SLC2A13: variants seen among roughly 807,000 people sequenced by gnomAD.
SLC2A13 encodes solute carrier family 2 member 13, also known as proton myo-inositol cotransporter.
Under a neutral mutation model 64.4 loss-of-function variants are expected in SLC2A13, and 32 were observed. The ratio of observed to expected loss-of-function variants is 0.50; its 90% confidence interval spans 0.37 to 0.67. The LOEUF (loss-of-function observed/expected upper bound fraction) is 0.67. SLC2A13 is among the 30% of genes least tolerant of loss of function. The probability of loss-of-function intolerance (pLI) is 0.00; values close to 1 mark genes in which losing one functional copy is unlikely to be tolerated. For synonymous variants in SLC2A13, 338 were observed against 327.1 expected (o/e 1.03, Z -0.36); for missense variants, 743 against 829.2 (o/e 0.90, Z 1.28).
At chr12:39,975,675 C>T (rs948840299) in intron 3 of SLC2A13, among the ~76,000 whole-genome samples, 3 of 152,208 alleles carry the variant, frequency 2.0e-5, no homozygotes, top group Non-Finnish European at 4.4e-5. Context: ...AGCCACCTGT[C>T]TGGAGGAAGA....
intron 3 of SLC2A13, among the ~76,000 whole-genome samples, chr12:39,994,388 A>C (rs1947191816): frequency 6.6e-6 from 1 of 150,410 alleles, no homozygotes. Flanking sequence ...ATCTCAAAAA[A>C]AAAAAAAACA....
chr12:40,069,143 G>T (rs548691549), intron 1 of SLC2A13, among the ~76,000 whole-genome samples: 2 of 151,948 alleles, frequency 1.3e-5, no homozygotes, highest in Non-Finnish European at 2.9e-5. Context: ...GAAAGATTAG[G>T]TATTTAGTGT....
At chr12:39,971,017 C>T (rs1013494861) in intron 3 of SLC2A13, among the ~76,000 whole-genome samples, 14 of 152,094 alleles carry the variant, frequency 9.2e-5, no homozygotes, top group African/African-American at 1.4e-4. Flanking sequence ...TAAGCCTTTA[C>T]GGTCACTAAT....
At chr12:40,079,781 C>T (rs1178755097) in intron 1 of SLC2A13, among the ~76,000 whole-genome samples, 1 of 152,192 alleles carries the variant, frequency 6.6e-6, no homozygotes, top group African/African-American at 2.4e-5. Context: ...TCTAAGCACA[C>T]CAGTGTTGGG....
At chr12:39,799,533 T>C (rs1458904469) in intron 7 of SLC2A13, among the ~76,000 whole-genome samples, 7 of 149,922 alleles carry the variant, frequency 4.7e-5, no homozygotes, top group African/African-American at 1.5e-4. Context: ...ACTGGCAGAG[T>C]AGAGTAAATC....
At chr12:40,047,067 A>G (rs1948182477) in intron 2 of SLC2A13, among the ~76,000 whole-genome samples, 1 of 151,724 alleles carries the variant, frequency 6.6e-6, no homozygotes, top group South Asian at 2.1e-4. Context: ...ACACCTGGCT[A>G]ATTTTTGTAT....
At chr12:39,868,791 T>C (rs1452633550) in intron 5 of SLC2A13, among the ~76,000 whole-genome samples, 1 of 152,206 alleles carries the variant, frequency 6.6e-6, no homozygotes, top group Non-Finnish European at 1.5e-5. Context: ...GAACAAGCTT[T>C]GAAAATACAA....
chr12:39,950,704 C>T (rs1008096165), intron 4 of SLC2A13: 1 of 152,294 alleles, frequency 6.6e-6, no homozygotes, highest in African/African-American at 2.4e-5. Context: ...ACCCTCAGCA[C>T]ACATACAGCT....
At chr12:39,966,185 T>C (rs1946511235) in intron 3 of SLC2A13, among the ~76,000 whole-genome samples, 1 of 151,498 alleles carries the variant, frequency 6.6e-6, no homozygotes. Flanking sequence ...GAGAGAGAAG[T>C]ATGTATATGT....
intron 4 of SLC2A13, among the ~76,000 whole-genome samples, chr12:39,916,770 T>C (rs1945527309): frequency 6.6e-6 from 1 of 151,882 alleles, no homozygotes; most frequent in East Asian, 1.9e-4. Flanking sequence ...GTAAACTTAG[T>C]ATCTCTTGCC....
intron 6 of SLC2A13, among the ~76,000 whole-genome samples, chr12:39,843,792 A>G (rs1390885991): frequency 2.6e-5 from 4 of 151,970 alleles, no homozygotes; most frequent in African/African-American, 4.8e-5. Context: ...TTAAACCACA[A>G]AGATTTTGTT....
intron 1 of SLC2A13, among the ~76,000 whole-genome samples, chr12:40,076,959 C>A (rs1262155695): frequency 6.6e-6 from 1 of 151,978 alleles, no homozygotes; most frequent in Non-Finnish European, 1.5e-5. Flanking sequence ...TGTGTGTCTT[C>A]TTTTGAAAAG....
intron 3 of SLC2A13, among the ~76,000 whole-genome samples, chr12:39,968,234 T>C (rs778580870): frequency 8.5e-5 from 13 of 152,228 alleles, no homozygotes; most frequent in Middle Eastern, 3.4e-3. Context: ...CAAGGAGATA[T>C]GCAGAGTGAA....
At chr12:40,051,454 G>C (rs772736276) in intron 1 of SLC2A13, among the ~76,000 whole-genome samples, 25 of 152,088 alleles carry the variant, frequency 1.6e-4, no homozygotes, top group Non-Finnish European at 3.5e-4. Flanking sequence ...TAGCACTTTG[G>C]AGATAGTGCT....
intron 6 of SLC2A13, among the ~76,000 whole-genome samples, chr12:39,863,280 G>A (rs1169500793): frequency 6.6e-6 from 1 of 152,026 alleles, no homozygotes; most frequent in East Asian, 1.9e-4. Flanking sequence ...ATATACTTGG[G>A]CAATAAATAT....
intron 7 of SLC2A13, among the ~76,000 whole-genome samples, chr12:39,816,511 A>G (rs1942345651): frequency 6.6e-6 from 1 of 151,546 alleles, no homozygotes; most frequent in Non-Finnish European, 1.5e-5. Flanking sequence ...GCACACCAAC[A>G]TGGCACATGT....
intron 3 of SLC2A13, among the ~76,000 whole-genome samples, chr12:40,024,331 AAT>A (rs1360945195): frequency 2.6e-5 from 4 of 152,230 alleles, no homozygotes; most frequent in African/African-American, 9.6e-5. Flanking sequence ...TTCTTACTGC[AAT>A]ATCTTAGAAG....
chr12:40,008,444 G>C (rs1285815304), intron 3 of SLC2A13, among the ~76,000 whole-genome samples: 1 of 151,868 alleles, frequency 6.6e-6, no homozygotes, highest in Non-Finnish European at 1.5e-5. Context: ...CGTCTCTACT[G>C]AAAATACAAA....
At chr12:39,798,119 G>C (rs1941643490) in intron 7 of SLC2A13, among the ~76,000 whole-genome samples, 1 of 152,184 alleles carries the variant, frequency 6.6e-6, no homozygotes, top group Non-Finnish European at 1.5e-5. Flanking sequence ...GGACAGCCAA[G>C]CTGCCCAATG....
Sources: allele counts gnomAD v4.1 joint callset (sites outside exome capture counted in the v4.1 genomes callset), GRCh38; gene constraint gnomAD v4.1.1; transcripts MANE v1.5; gene names NCBI Gene and HGNC (gene_info 2026-07-23, HGNC 2026-07-21).